Variants in CACNA1C observed in about 807,000 individuals in gnomAD.
The protein encoded by CACNA1C is calcium voltage-gated channel subunit alpha1 C, also known as voltage-dependent L-type calcium channel subunit alpha-1C.
CACNA1C carries 30 observed loss-of-function variants against 229.0 expected under a neutral mutation model. The observed-to-expected ratio is 0.13, with a 90% confidence interval of 0.10 to 0.18. The LOEUF (loss-of-function observed/expected upper bound fraction) is 0.18, where lower values mean the gene tolerates loss of function less well. Ranked by LOEUF, CACNA1C falls within the 10% of genes least tolerant of loss-of-function variation. CACNA1C has a pLI of 1.00. For missense variants in CACNA1C, 1,658 were observed against 2,845.0 expected, an observed-to-expected ratio of 0.58 and a Z score of 9.49; for synonymous variants, 1,114 against 1,132.5, an observed-to-expected ratio of 0.98 and a Z score of 0.33.
At chr12:2,331,298 C>T (rs7295089) in intron 3 of CACNA1C, among the ~76,000 whole-genome samples, 115,128 of 152,062 alleles carry the variant, frequency 0.76, 44,345 homozygotes, top group Middle Eastern at 0.84. Context: ...GTACATATCC[C>T]AACTCGAGAG....
At chr12:2,421,307 C>T (rs989309830) in intron 3 of CACNA1C, among the ~76,000 whole-genome samples, 1 of 152,152 alleles carries the variant, frequency 6.6e-6, no homozygotes, top group African/African-American at 2.4e-5. Context: ...CACGTAAGGG[C>T]AAAGGAAAAG....
intron 10 of CACNA1C, among the ~76,000 whole-genome samples, chr12:2,555,987 A>G (rs1428139710): frequency 6.6e-6 from 1 of 151,670 alleles, no homozygotes; most frequent in African/African-American, 2.4e-5. Flanking sequence ...CTTCATCTCT[A>G]ACTTGCGTTC....
At position 2,034,765 on chromosome 12, in the gene CACNA1C, C is replaced by G. The variant is rs374737157; in HGVS notation, c.139+63564C>G. Among the ~76,000 whole-genome samples, 245 of 152,278 alleles carry G rather than the reference C, an allele frequency of 1.6e-3. No individual in the cohort carries two copies. Among genetic ancestry groups the G allele is most frequent in the African/African-American group, 5.6e-3 (232 of 41,548 alleles). ...CGGAGTGCCTCCTTCGTGCCAGGCTCTGCAGATATAGCTGTGAATAACAGA... is the reference window on the plus strand; with the variant it reads ...CGGAGTGCCTCCTTCGTGCCAGGCTGTGCAGATATAGCTGTGAATAACAGA... On this transcript the variant is annotated intron_variant, in intron 1 of 46. Coordinates refer to the CACNA1C transcript ENST00000682462. This position sits in a 1 kb window ranked among gnomAD's most constrained non-coding sequence, Gnocchi z 4.1.
intron 3 of CACNA1C, among the ~76,000 whole-genome samples, chr12:2,383,767 G>T (rs1472785761): frequency 6.6e-6 from 1 of 152,246 alleles, no homozygotes; most frequent in Non-Finnish European, 1.5e-5. Flanking sequence ...CTTTGCCCCA[G>T]TGAGAAGCCA....
chr12:2,579,516 C>G (rs2059785268), intron 13 of CACNA1C, among the ~76,000 whole-genome samples: 1 of 152,022 alleles, frequency 6.6e-6, no homozygotes, highest in Non-Finnish European at 1.5e-5. Flanking sequence ...AGGGAGGGAC[C>G]TGGGAATCAG....
At chr12:2,121,479 T>C (rs1440496996) in intron 3 of CACNA1C, among the ~76,000 whole-genome samples, 1 of 152,238 alleles carries the variant, frequency 6.6e-6, no homozygotes, top group East Asian at 1.9e-4. Flanking sequence ...GCCCCAGTTT[T>C]TTCAGGTAAC....
At position 2,566,117 on chromosome 12, in the gene CACNA1C, T is replaced by G. The variant is rs2050747763; in HGVS notation, c.1509-305T>G. On this transcript the variant is annotated intron_variant, in intron 11 of 46. Transcript: ENST00000399655. This position sits in a 1 kb window ranked among gnomAD's most constrained non-coding sequence, Gnocchi z 4.0. ...TCACAAAAATTAAAAAAACTTCCAT[T>G]TATTGAGCATCTTCAACTTCAAAGC... Among the ~76,000 whole-genome samples, 1 of 152,226 alleles carries G rather than the reference T, an allele frequency of 6.6e-6. No individual in the cohort carries two copies. The highest frequency in any genetic ancestry group is 2.1e-4 in the South Asian group (1 of 4,832).
chr12:2,237,323 C>T (rs1022534849), intron 3 of CACNA1C, among the ~76,000 whole-genome samples: 1 of 152,246 alleles, frequency 6.6e-6, no homozygotes, highest in Non-Finnish European at 1.5e-5. Context: ...TTCACTTTGT[C>T]CATCTCATTT....
intron 3 of CACNA1C, among the ~76,000 whole-genome samples, chr12:2,318,238 G>A (rs1003713658): frequency 2.0e-5 from 3 of 152,230 alleles, no homozygotes; most frequent in Non-Finnish European, 4.4e-5. Context: ...CTTCTGGGGC[G>A]GGAACTCACA....
chr12:2,625,427 A>G (rs1263723249), intron 29 of CACNA1C, among the ~76,000 whole-genome samples: 1 of 152,180 alleles, frequency 6.6e-6, no homozygotes, highest in Non-Finnish European at 1.5e-5. Flanking sequence ...TGCGTCGGCG[A>G]TAACCCGACC....
intron 1 of CACNA1C, among the ~76,000 whole-genome samples, chr12:2,085,438 G>A (rs761012834): frequency 1.3e-5 from 2 of 151,986 alleles, no homozygotes; most frequent in African/African-American, 4.8e-5. Flanking sequence ...CTATCTCCAC[G>A]TCCTCTGAAA....
At chr12:2,436,220 A>G (rs557730121) in intron 3 of CACNA1C, among the ~76,000 whole-genome samples, 1 of 152,332 alleles carries the variant, frequency 6.6e-6, no homozygotes, top group East Asian at 1.9e-4. Context: ...GCATGTTCAA[A>G]GTGAGACTCT....
intron 1 of CACNA1C, among the ~76,000 whole-genome samples, chr12:1,993,773 A>C (rs1376718346): frequency 6.6e-6 from 1 of 152,192 alleles, no homozygotes; most frequent in Non-Finnish European, 1.5e-5. Context: ...AAATTAATTA[A>C]AGATATTTTA....
intron 32 of CACNA1C, among the ~76,000 whole-genome samples, chr12:2,652,962 C>T (rs183830456): frequency 4.1e-4 from 62 of 152,364 alleles, no homozygotes; most frequent in African/African-American, 1.4e-3. Context: ...GATGGCGGCG[C>T]AGGCGTTCGG....
chr12:2,537,910 G>A (rs1208651971), intron 9 of CACNA1C, among the ~76,000 whole-genome samples: 3 of 152,078 alleles, frequency 2.0e-5, no homozygotes, highest in Non-Finnish European at 4.4e-5. Context: ...GTGGGAGAGG[G>A]AGTGTGCCAA....
chr12:2,638,802 G>A (rs1243874439), intron 30 of CACNA1C, among the ~76,000 whole-genome samples: 1 of 152,182 alleles, frequency 6.6e-6, no homozygotes, highest in Non-Finnish European at 1.5e-5. Flanking sequence ...GCAAGGAGGC[G>A]GGCTGGAGGC....
intron 3 of CACNA1C, among the ~76,000 whole-genome samples, chr12:2,253,999 GGGC>G (rs1051236211): frequency 1.3e-5 from 2 of 152,186 alleles, no homozygotes; most frequent in Non-Finnish European, 2.9e-5. Context: ...TGGATGGGAA[GGGC>G]TCAGTCATGG....
intron 3 of CACNA1C, among the ~76,000 whole-genome samples, chr12:2,136,945 C>T (rs1259079795): frequency 6.6e-6 from 1 of 151,304 alleles, no homozygotes; most frequent in Admixed American, 6.6e-5. Flanking sequence ...TGGACTGAGT[C>T]CTTGGAAGCA....
chr12:2,309,106 A>G (rs2095274711), intron 3 of CACNA1C, among the ~76,000 whole-genome samples: 1 of 152,248 alleles, frequency 6.6e-6, no homozygotes, highest in Non-Finnish European at 1.5e-5. Context: ...GTTAGCTGGC[A>G]GATGAATAAA....
Sources: gnomAD v4.1 joint callset for allele counts (sites outside exome capture counted in the v4.1 genomes callset) on GRCh38, gnomAD v4.1.1 for gene constraint, Gnocchi (gnomAD v3.1) non-coding constraint, MANE v1.5 for transcripts, NCBI Gene and HGNC (gene_info 2026-07-23, HGNC 2026-07-21) for gene names.